Variants in SFSWAP observed in about 807,000 individuals in gnomAD.
The protein encoded by SFSWAP is splicing factor SWAP, also known as splicing factor, suppressor of white-apricot homolog.
SFSWAP carries 17 observed loss-of-function variants against 100.7 expected under a neutral mutation model. That is an observed-to-expected ratio of 0.17 (90% CI 0.12 to 0.25). The LOEUF (loss-of-function observed/expected upper bound fraction) is 0.25, where lower values mean the gene tolerates loss of function less well. Ranked by LOEUF, SFSWAP falls within the 10% of genes least tolerant of loss-of-function variation. The pLI is 1.00. For missense variants in SFSWAP, 1,005 were observed against 1,262.6 expected, an observed-to-expected ratio of 0.80 and a Z score of 3.09; for synonymous variants, 504 against 510.1, an observed-to-expected ratio of 0.99 and a Z score of 0.16.
Position 131,764,645 on chromosome 12 carries a change from A to G in SFSWAP, c.1910A>G (p.Lys637Arg). 1.2e-6 allele frequency: 2 copies of G among 1,614,162 alleles called. No homozygotes were observed. Among genetic ancestry groups the G allele is most frequent in the Non-Finnish European group, 8.5e-7 (1 of 1,179,966 alleles). ...VAPPCVVVEEKKPQLTQEELE... is the reference protein window; with the variant it reads ...VAPPCVVVEERKPQLTQEELE... ...CCACCCTGTGTAGTTGTTGAGGAGAAGAAGCCTCAACTTACCCAGGAGGAG... is the reference window on the plus strand; with the variant it reads ...CCACCCTGTGTAGTTGTTGAGGAGAGGAAGCCTCAACTTACCCAGGAGGAG... Residue 637 changes from lysine (K) to arginine (R), a missense_variant, in exon 12 of 18, where the codon AAG (lysine) becomes AGG (arginine). This residue lies in a region of SFSWAP where 82 missense variants were observed against 131.0 expected (regional missense o/e 0.63). Coordinates refer to ENST00000261674, the MANE Select transcript of SFSWAP (RefSeq NM_004592.4).
At chr12:131,797,406 C>T (rs762618695) in intron 16 of SFSWAP, 46 bp downstream of exon 16, 22 of 1,526,276 alleles carry the variant, frequency 1.4e-5, no homozygotes, top group African/African-American at 1.1e-4. Flanking sequence ...AGGCAAGGGG[C>T]GGCCAGCAGG....
chr12:131,713,401 A>G (rs2136171942), intron 1 of SFSWAP: 1 of 152,372 alleles, frequency 6.6e-6, no homozygotes, highest in East Asian at 1.9e-4. Context: ...TATTGATACC[A>G]TATCTTCTAA....
intron 8 of SFSWAP, 100 bp from the exon 9 acceptor site, chr12:131,754,268 G>A: frequency 2.3e-6 from 2 of 873,002 alleles, no homozygotes; most frequent in Non-Finnish European, 3.3e-6. Flanking sequence ...TAACTCACAT[G>A]TCTCTCCGGG....
In SFSWAP at chr12:131,769,113, C is replaced by T. The variant is rs544718328; in HGVS notation, c.2142+2805C>T. 1.2e-3 allele frequency among the ~76,000 whole-genome samples: 152 copies of T among 123,464 alleles called. 3 individuals are homozygous for T. The South Asian group carries it at 0.02, about 16-fold the overall frequency. 81.0% of individuals were successfully genotyped at this position (123,464 alleles called of 152,430 possible). A position where few individuals can be genotyped will look rare whatever the true frequency, so the allele number is the denominator to read the frequency against. ...CTGTACTCCAGCCTGGGCGACAGAG[C>T]GAGACTCCTTCTCAAAAAAAAAAAG... On this transcript the variant is annotated intron_variant, in intron 13 of 17. Transcript: ENST00000261674.
At chr12:131,779,262 AGTGT>A (rs1184972437) in intron 14 of SFSWAP, among the ~76,000 whole-genome samples, 1 of 148,126 alleles carries the variant, frequency 6.8e-6, no homozygotes, top group African/African-American at 2.5e-5. Flanking sequence ...GGCGCGGGTG[AGTGT>A]GTGTGAAGAG....
chr12:131,785,197 T>C (rs1472978623), intron 14 of SFSWAP: 1 of 1,535,648 alleles, frequency 6.5e-7, no homozygotes, highest in African/African-American at 1.4e-5. Flanking sequence ...CTCCGCGAGC[T>C]CTTTTGAGGG....
chr12:131,747,630 G>A (rs1322528600), intron 7 of SFSWAP, among the ~76,000 whole-genome samples: 1 of 152,068 alleles, frequency 6.6e-6, no homozygotes, highest in Non-Finnish European at 1.5e-5. Flanking sequence ...GGCAGGAGGT[G>A]CTGCAGCTGG....
chr12:131,717,673 T>C (rs1441390827), intron 3 of SFSWAP, among the ~76,000 whole-genome samples: 3 of 152,190 alleles, frequency 2.0e-5, no homozygotes, highest in African/African-American at 7.2e-5. Context: ...GCCTAGACAA[T>C]GTTTTAATCA....
chr12:131,756,709 G>A (rs999525622), intron 11 of SFSWAP, 65 bp downstream of exon 11: 44 of 1,412,542 alleles, frequency 3.1e-5, no homozygotes, highest in South Asian at 2.3e-4. Flanking sequence ...TAGGATCCTC[G>A]GTGACCTCAG....
At chr12:131,798,293 G>A (rs1282822866) in intron 16 of SFSWAP, among the ~76,000 whole-genome samples, 1 of 151,880 alleles carries the variant, frequency 6.6e-6, no homozygotes, top group Non-Finnish European at 1.5e-5. Flanking sequence ...GACAGAGAGA[G>A]ACCCTGTTTC....
intron 11 of SFSWAP, among the ~76,000 whole-genome samples, chr12:131,760,554 G>A (rs1882571271): frequency 6.6e-6 from 1 of 152,138 alleles, no homozygotes; most frequent in African/African-American, 2.4e-5. Flanking sequence ...ATAGAACCCA[G>A]TAATATGGAC....
At position 131,794,936 on chromosome 12, in the gene SFSWAP, G is replaced by A. The variant is rs1459526057; in HGVS notation, c.2535-2242G>A. ...TAACCTGCCTTTTGTTCATTATGCA[G>A]CCACATAAACTCAGCTGGATTTGGG... On this transcript the variant is annotated intron_variant, in intron 15 of 17. Transcript: ENST00000261674. The surrounding 1 kb of genome is among the most constrained non-coding windows in gnomAD (Gnocchi z 4.8). Among the ~76,000 whole-genome samples, 1 of 152,232 alleles carries A rather than the reference G, an allele frequency of 6.6e-6. No homozygotes were observed. The highest frequency in any genetic ancestry group is 1.9e-4 in the East Asian group (1 of 5,198).
intron 15 of SFSWAP, among the ~76,000 whole-genome samples, chr12:131,793,740 T>A (rs533614596): frequency 6.6e-6 from 1 of 151,862 alleles, no homozygotes; most frequent in East Asian, 1.9e-4. Context: ...AGGACCCAAT[T>A]AGAAGGGGGC....
chr12:131,722,549 T>A (rs547275926), intron 4 of SFSWAP, among the ~76,000 whole-genome samples: 16 of 152,306 alleles, frequency 1.1e-4, no homozygotes, highest in African/African-American at 3.6e-4. Flanking sequence ...CAACGCTTAT[T>A]CTGTTGATGA....
At chr12:131,772,604 G>T (rs763142657) in intron 13 of SFSWAP, among the ~76,000 whole-genome samples, 1 of 152,166 alleles carries the variant, frequency 6.6e-6, no homozygotes, top group South Asian at 2.1e-4. Flanking sequence ...CCTCTCTGGC[G>T]GGAGCAGGCT....
At chr12:131,789,922 T>C (rs1479566039) in intron 15 of SFSWAP, among the ~76,000 whole-genome samples, 1 of 152,198 alleles carries the variant, frequency 6.6e-6, no homozygotes, top group Admixed American at 6.5e-5. Context: ...CATCTGCCCC[T>C]TCGTCTCCCC....
chr12:131,785,477 G>T, intron 14 of SFSWAP: 1 of 391,140 alleles, frequency 2.6e-6, no homozygotes, highest in Non-Finnish European at 4.6e-6. Context: ...TATTGTTTTT[G>T]AATGAGTTGT....
intron 12 of SFSWAP, among the ~76,000 whole-genome samples, chr12:131,765,648 T>G (rs542669018): frequency 6.6e-5 from 10 of 150,712 alleles, no homozygotes; most frequent in African/African-American, 2.4e-4. Context: ...AAACTCCGTC[T>G]CAAAGAAAAA....
chr12:131,728,479 AGC>A, intron 7 of SFSWAP, 51 bp downstream of exon 7: 1 of 1,585,368 alleles, frequency 6.3e-7, no homozygotes, highest in Non-Finnish European at 8.6e-7. Flanking sequence ...CCTGTGACAG[AGC>A]CAGCTACAGG....
Sources: gnomAD v4.1 joint callset for allele counts (sites outside exome capture counted in the v4.1 genomes callset) on GRCh38, gnomAD v4.1.1 for gene constraint, gnomAD v4.1.1 regional missense constraint, Gnocchi (gnomAD v3.1) non-coding constraint, MANE v1.5 for transcripts, NCBI Gene and HGNC (gene_info 2026-07-23, HGNC 2026-07-21) for gene names.